The following ARHGEF12 variants were observed in gnomAD, a reference collection of about 807,000 sequenced individuals.
The protein encoded by ARHGEF12 is KMT2A/ARHGEF12 fusion protein.
In ARHGEF12, 66 loss-of-function variants were observed where a neutral mutation model predicts 211.2. The ratio of observed to expected loss-of-function variants is 0.31; its 90% confidence interval spans 0.26 to 0.38. ARHGEF12 has a LOEUF of 0.38. Ranked by LOEUF, ARHGEF12 falls within the 10% of genes least tolerant of loss-of-function variation. The pLI is 1.00. For synonymous variants in ARHGEF12, 592 were observed against 638.4 expected (o/e 0.93, Z 1.09); for missense variants, 1,429 against 1,869.5 (o/e 0.76, Z 4.34).
chr11:120,415,927 A>C (rs568513539), intron 4 of ARHGEF12, among the ~76,000 whole-genome samples: 1 of 152,366 alleles, frequency 6.6e-6, no homozygotes, highest in African/African-American at 2.4e-5. Context: ...AAATGTGGCT[A>C]ATACAGTGGA....
At chr11:120,482,277 C>T (rs1179780897) in intron 39 of ARHGEF12, among the ~76,000 whole-genome samples, 1 of 152,164 alleles carries the variant, frequency 6.6e-6, no homozygotes, top group Non-Finnish European at 1.5e-5. Flanking sequence ...ATCTGTGACT[C>T]ATTAGGTGAC....
At chr11:120,426,537 A>C (rs1945350333) in intron 7 of ARHGEF12, among the ~76,000 whole-genome samples, 1 of 152,232 alleles carries the variant, frequency 6.6e-6, no homozygotes, top group Admixed American at 6.5e-5. Flanking sequence ...AGAAACAGCT[A>C]AAGAAAGGAA....
chr11:120,431,536 T>G (rs2135728780), intron 10 of ARHGEF12, among the ~76,000 whole-genome samples: 1 of 152,312 alleles, frequency 6.6e-6, no homozygotes, highest in Middle Eastern at 3.4e-3. Flanking sequence ...CTTACATTCT[T>G]TTTACCAAAA....
intron 1 of ARHGEF12, among the ~76,000 whole-genome samples, chr11:120,373,813 G>T (rs1199913712): frequency 1.3e-5 from 2 of 151,718 alleles, no homozygotes; most frequent in Non-Finnish European, 2.9e-5. Context: ...TGGATTTTTT[G>T]TTTTTGTTTT....
chr11:120,470,676 T>A (rs1164797891), intron 30 of ARHGEF12, among the ~76,000 whole-genome samples: 3 of 152,232 alleles, frequency 2.0e-5, no homozygotes, highest in Admixed American at 2.0e-4. Flanking sequence ...AAACTAGTAC[T>A]TTCAGCTGTG....
intron 1 of ARHGEF12, among the ~76,000 whole-genome samples, chr11:120,351,455 A>ATTT (rs1174506359): frequency 1.7e-4 from 1 of 5,736 alleles, no homozygotes; most frequent in African/African-American, 6.7e-4. Flanking sequence ...ATATATATAT[A>ATTT]TTTTTTTTTT....
intron 25 of ARHGEF12, chr11:120,458,793 T>C (rs1946437208): frequency 6.2e-6 from 1 of 160,056 alleles, no homozygotes; most frequent in Non-Finnish European, 1.4e-5. Flanking sequence ...AGTGAGTGTT[T>C]ATAGGCAAAT....
intron 1 of ARHGEF12, among the ~76,000 whole-genome samples, chr11:120,380,366 A>G (rs1341172337): frequency 1.3e-5 from 2 of 152,188 alleles, no homozygotes; most frequent in Admixed American, 1.3e-4. Flanking sequence ...GGATTTTTCC[A>G]GCTTTTTCAT....
At chr11:120,481,107 A>T (rs543081681) in intron 38 of ARHGEF12, among the ~76,000 whole-genome samples, 153 bp from the exon 39 acceptor site, 1 of 152,222 alleles carries the variant, frequency 6.6e-6, no homozygotes, top group Admixed American at 6.5e-5. Context: ...ATCTGAAGTG[A>T]GGAAATTCTG....
At chr11:120,376,065 C>A (rs950075587) in intron 1 of ARHGEF12, among the ~76,000 whole-genome samples, 1 of 152,114 alleles carries the variant, frequency 6.6e-6, no homozygotes, top group African/African-American at 2.4e-5. Flanking sequence ...TGATGATGAC[C>A]TTGATCACCA....
intron 34 of ARHGEF12, 101 bp from the exon 35 acceptor site, chr11:120,477,117 GT>G: frequency 4.0e-6 from 3 of 746,704 alleles, no homozygotes; most frequent in Admixed American, 2.4e-5. Context: ...TGTTGTTGTT[GT>G]TGGTTGATTT....
intron 15 of ARHGEF12, among the ~76,000 whole-genome samples, chr11:120,443,663 A>G (rs534725491): frequency 2.7e-4 from 41 of 152,112 alleles, no homozygotes; most frequent in East Asian, 1.9e-4. Flanking sequence ...CACTTTTTCT[A>G]TTATTTTTGT....
chr11:120,421,204 T>C (rs1945175089), intron 5 of ARHGEF12, among the ~76,000 whole-genome samples: 1 of 152,208 alleles, frequency 6.6e-6, no homozygotes, highest in African/African-American at 2.4e-5. Context: ...AGAAATACCA[T>C]TTATTTTCCC....
intron 25 of ARHGEF12, 70 bp from the exon 26 acceptor site, chr11:120,459,104 C>T: frequency 7.9e-7 from 1 of 1,268,568 alleles, no homozygotes; most frequent in East Asian, 2.7e-5. Flanking sequence ...TTCACTCCAG[C>T]TAAAGACTAT....
At chr11:120,451,441 T>C in intron 21 of ARHGEF12, 71 bp from the exon 22 acceptor site, 3 of 1,465,082 alleles carry the variant, frequency 2.0e-6, no homozygotes, top group Admixed American at 1.8e-5. Flanking sequence ...CCTCCCAAAG[T>C]GTTGGGATTA....
intron 22 of ARHGEF12, among the ~76,000 whole-genome samples, chr11:120,455,436 C>G (rs2135871690): frequency 6.6e-6 from 1 of 152,324 alleles, no homozygotes; most frequent in Non-Finnish European, 1.5e-5. Flanking sequence ...ATGCCTTCAA[C>G]TTTCTGAAGG....
intron 1 of ARHGEF12, among the ~76,000 whole-genome samples, chr11:120,398,832 G>A (rs888512751): frequency 5.3e-5 from 8 of 151,932 alleles, no homozygotes; most frequent in Non-Finnish European, 7.4e-5. Flanking sequence ...GTTATGATCC[G>A]TTTTTTGTTT....
chr11:120,351,440 TA>T (rs1942956242), intron 1 of ARHGEF12, among the ~76,000 whole-genome samples: 1 of 4,638 alleles, frequency 2.2e-4, no homozygotes, highest in Non-Finnish European at 3.2e-4. Context: ...TATATATATA[TA>T]TATATATATA....
At chr11:120,413,559 A>G (rs1309579329) in intron 4 of ARHGEF12, among the ~76,000 whole-genome samples, 4 of 152,218 alleles carry the variant, frequency 2.6e-5, no homozygotes, top group Non-Finnish European at 5.9e-5. Flanking sequence ...AAGAAAATGT[A>G]ACTTGGAGAC....
Sources: gnomAD v4.1 joint callset for allele counts (sites outside exome capture counted in the v4.1 genomes callset) on GRCh38, gnomAD v4.1.1 for gene constraint, MANE v1.5 for transcripts, NCBI Gene and HGNC (gene_info 2026-07-23, HGNC 2026-07-21) for gene names.